The following SGCZ variants were observed in gnomAD, a reference collection of about 807,000 sequenced individuals.
The protein encoded by SGCZ is sarcoglycan zeta, also known as zeta-sarcoglycan.
Under a neutral mutation model 41.3 loss-of-function variants are expected in SGCZ, and 40 were observed. The observed-to-expected ratio is 0.97, with a 90% confidence interval of 0.75 to 1.26. The LOEUF (loss-of-function observed/expected upper bound fraction) is 1.26, where lower values mean the gene tolerates loss of function less well. Ranked by LOEUF, SGCZ falls within the 50% of genes most tolerant of loss-of-function variation. The probability of loss-of-function intolerance (pLI) is 0.00; values close to 1 mark genes in which losing one functional copy is unlikely to be tolerated. For synonymous variants in SGCZ, 206 were observed against 137.5 expected (o/e 1.50, Z -3.49); for missense variants, 552 against 369.8 (o/e 1.49, Z -4.04).
At chr8:14,305,532 T>G (rs1309670038) in intron 3 of SGCZ, among the ~76,000 whole-genome samples, 3 of 152,198 alleles carry the variant, frequency 2.0e-5, no homozygotes, top group Non-Finnish European at 4.4e-5. Flanking sequence ...AAAATTAATC[T>G]TATTAAATTT....
intron 1 of SGCZ, among the ~76,000 whole-genome samples, chr8:14,631,104 C>T (rs189887614): frequency 2.6e-5 from 4 of 151,992 alleles, no homozygotes; most frequent in African/African-American, 4.8e-5. Context: ...TTCCTATTTT[C>T]GTAATTAGTT....
At chr8:15,217,692 A>T (rs1393323173) in intron 1 of SGCZ, among the ~76,000 whole-genome samples, 1 of 152,230 alleles carries the variant, frequency 6.6e-6, no homozygotes, top group Non-Finnish European at 1.5e-5. Flanking sequence ...TTGAAATATT[A>T]GCATAGGCAA....
At chr8:14,510,585 T>C (rs1013616420) in intron 2 of SGCZ, among the ~76,000 whole-genome samples, 2 of 152,124 alleles carry the variant, frequency 1.3e-5, no homozygotes, top group Non-Finnish European at 2.9e-5. Context: ...TTGCTTCCTA[T>C]GGTTACGCCA....
At chr8:14,156,353 C>A (rs1187445724) in intron 5 of SGCZ, among the ~76,000 whole-genome samples, 1 of 151,840 alleles carries the variant, frequency 6.6e-6, no homozygotes, top group Non-Finnish European at 1.5e-5. Flanking sequence ...CCCAGCTACT[C>A]AGGAGGCTGA....
intron 2 of SGCZ, among the ~76,000 whole-genome samples, chr8:14,449,081 A>G (rs1442598692): frequency 6.6e-6 from 1 of 152,166 alleles, no homozygotes; most frequent in African/African-American, 2.4e-5. Flanking sequence ...GATGCAAAAC[A>G]AGTCCTGCCA....
At chr8:14,117,408 CTG>C (rs57595662) in intron 5 of SGCZ, among the ~76,000 whole-genome samples, 4,039 of 131,444 alleles carry the variant, frequency 0.031, 77 homozygotes, top group African/African-American at 0.052. Context: ...ATGCACACAT[CTG>C]TGTGTGTGTG....
intron 1 of SGCZ, among the ~76,000 whole-genome samples, chr8:15,144,872 T>A (rs1249821063): frequency 3.9e-5 from 6 of 152,240 alleles, no homozygotes; most frequent in Non-Finnish European, 2.9e-5. Context: ...CGGTGTACCG[T>A]ACCACATATT....
chr8:14,715,276 G>A (rs897508168), intron 1 of SGCZ, among the ~76,000 whole-genome samples: 5 of 151,858 alleles, frequency 3.3e-5, no homozygotes, highest in Non-Finnish European at 4.4e-5. Context: ...CCTCCTAATA[G>A]AGTATGCCAA....
chr8:15,010,589 A>T (rs770407438), intron 1 of SGCZ, among the ~76,000 whole-genome samples: 21 of 152,196 alleles, frequency 1.4e-4, no homozygotes, highest in Non-Finnish European at 2.5e-4. Flanking sequence ...GCGCTTAGAC[A>T]ATGGCCACAA....
chr8:14,127,374 T>G (rs760251364), intron 5 of SGCZ, among the ~76,000 whole-genome samples: 13 of 152,182 alleles, frequency 8.5e-5, no homozygotes, highest in Non-Finnish European at 1.8e-4. Context: ...GTTTTGTCAG[T>G]GGCAAAGCAT....
intron 3 of SGCZ, among the ~76,000 whole-genome samples, chr8:14,277,185 T>C (rs1428795543): frequency 1.3e-5 from 2 of 152,190 alleles, no homozygotes; most frequent in Non-Finnish European, 2.9e-5. Context: ...CACAACTGAC[T>C]TTTTCAATAT....
chr8:14,782,356 G>A (rs1332955247), intron 1 of SGCZ, among the ~76,000 whole-genome samples: 1 of 152,128 alleles, frequency 6.6e-6, no homozygotes, highest in East Asian at 1.9e-4. Context: ...CCAGGAACCT[G>A]CTGAATCATA....
intron 2 of SGCZ, among the ~76,000 whole-genome samples, chr8:14,416,972 G>A (rs1799509828): frequency 6.6e-6 from 1 of 151,806 alleles, no homozygotes; most frequent in Admixed American, 6.6e-5. Context: ...ATAAGGCAGG[G>A]TTATGTGAGA....
chr8:14,146,890 A>AAAAAAAAAAAAAAAAATAATAAT (rs1182329393), intron 5 of SGCZ, among the ~76,000 whole-genome samples: 1 of 116,168 alleles, frequency 8.6e-6, no homozygotes, highest in Non-Finnish European at 1.8e-5. Flanking sequence ...AAAATAAAAA[A>AAAAAAAAAAAAAAAAATAATAAT]AATAATAATA....
chr8:14,686,068 C>T (rs1469890809), intron 1 of SGCZ, among the ~76,000 whole-genome samples: 2 of 152,018 alleles, frequency 1.3e-5, no homozygotes, highest in African/African-American at 2.4e-5. Flanking sequence ...TGTTTCGTCT[C>T]GGGAAGACTT....
At chr8:14,876,860 T>C (rs1161431512) in intron 1 of SGCZ, among the ~76,000 whole-genome samples, 1 of 152,180 alleles carries the variant, frequency 6.6e-6, no homozygotes, top group Non-Finnish European at 1.5e-5. Context: ...GCCACCTCTC[T>C]GTTTAGAGGT....
rs148303318 is a variant in SGCZ at position 14,321,869 on chromosome 8, A to T, written c.336+2234T>A. Among the ~76,000 whole-genome samples the T allele has an allele frequency of 1.9e-3, 295 of 152,236 alleles. 1 individual carries two copies. The highest frequency in any genetic ancestry group is 6.9e-3 in the African/African-American group (287 of 41,546). Reference sequence around the variant, plus strand: ...CATCATTTCTGCTTTCATTATTGAAATGTTTGTGTTCTTCCTTAACCTAAG... The same window carrying T: ...CATCATTTCTGCTTTCATTATTGAATTGTTTGTGTTCTTCCTTAACCTAAG... On this transcript the variant is annotated intron_variant, in intron 3 of 7. Coordinates refer to ENST00000382080, the MANE Select transcript of SGCZ (RefSeq NM_139167.4).
At chr8:14,099,231 G>A (rs1476378447) in intron 7 of SGCZ, among the ~76,000 whole-genome samples, 2 of 152,106 alleles carry the variant, frequency 1.3e-5, no homozygotes, top group Non-Finnish European at 2.9e-5. Context: ...AGGCAGTGAC[G>A]CTGTTCACTT....
At chr8:14,482,793 G>C (rs1009436076) in intron 2 of SGCZ, among the ~76,000 whole-genome samples, 3 of 151,812 alleles carry the variant, frequency 2.0e-5, no homozygotes, top group African/African-American at 7.3e-5. Flanking sequence ...TGCACGAGGG[G>C]AGACATTGAT....
Sources: allele counts gnomAD v4.1 joint callset (sites outside exome capture counted in the v4.1 genomes callset), GRCh38; gene constraint gnomAD v4.1.1; transcripts MANE v1.5; gene names NCBI Gene and HGNC (gene_info 2026-07-23, HGNC 2026-07-21).